ETV6: variants seen among roughly 807,000 people sequenced by gnomAD.
ETV6 encodes the protein ETS variant transcription factor 6.
In ETV6, 16 loss-of-function variants were observed where a neutral mutation model predicts 51.1. That is an observed-to-expected ratio of 0.31 (90% CI 0.21 to 0.48). The LOEUF (loss-of-function observed/expected upper bound fraction) is 0.48. Ranked by LOEUF, ETV6 falls within the 20% of genes least tolerant of loss-of-function variation. The pLI, the probability that ETV6 is intolerant of heterozygous loss-of-function variation, is 0.99. For missense variants in ETV6, 458 were observed against 594.8 expected (o/e 0.77, Z 2.39); for synonymous variants, 240 against 224.1 (o/e 1.07, Z -0.64).
In ETV6 at chr12:11,845,496, TAAATATGATACTTA is replaced by T. The variant is rs543791303; in HGVS notation, c.328+6195_328+6208del. Among the ~76,000 whole-genome samples, 732 of 152,360 alleles carry T rather than the reference TAAATATGATACTTA, an allele frequency of 4.8e-3. 2 individuals are homozygous for T. The highest frequency in any genetic ancestry group is 7.4e-3 in the Non-Finnish European group (506 of 68,038). ...TTTTCTAACAGATTTATTCTTGTCT[TAAATATGATACTTA>T]AATTTTCCCACAACCTGTTCCTTTT... On this transcript the variant is annotated intron_variant, in intron 3 of 7. Coordinates refer to ENST00000396373, the MANE Select transcript of ETV6 (RefSeq NM_001987.5).
At chr12:11,859,964 C>T (rs1286478764) in intron 4 of ETV6, among the ~76,000 whole-genome samples, 1 of 152,130 alleles carries the variant, frequency 6.6e-6, no homozygotes, top group Non-Finnish European at 1.5e-5. Context: ...TGAGTTGGAC[C>T]GAATTCACCC....
intron 1 of ETV6, among the ~76,000 whole-genome samples, chr12:11,683,322 G>A (rs1864568485): frequency 6.6e-6 from 1 of 152,186 alleles, no homozygotes; most frequent in Admixed American, 6.5e-5. Context: ...GGGATTACAG[G>A]CATGAGCTAC....
At chr12:11,772,270 C>T (rs115058194) in intron 2 of ETV6, among the ~76,000 whole-genome samples, 10 of 152,298 alleles carry the variant, frequency 6.6e-5, no homozygotes, top group African/African-American at 2.4e-4. Context: ...CAGAAAGACT[C>T]AGAGATCACT....
intron 2 of ETV6, among the ~76,000 whole-genome samples, chr12:11,766,578 G>A (rs1412336281): frequency 2.0e-5 from 3 of 152,096 alleles, no homozygotes; most frequent in African/African-American, 7.2e-5. Context: ...AACAGCTCTC[G>A]AGAGCAGCCG....
At chr12:11,672,323 A>C (rs949909059) in intron 1 of ETV6, among the ~76,000 whole-genome samples, 4 of 152,234 alleles carry the variant, frequency 2.6e-5, no homozygotes, top group Non-Finnish European at 5.9e-5. Context: ...ATGAGCTCAA[A>C]GCATTTCATC....
At chr12:11,790,353 A>T (rs2710284) in intron 2 of ETV6, among the ~76,000 whole-genome samples, 6,891 of 152,106 alleles carry the variant, frequency 0.045, 516 homozygotes, top group African/African-American at 0.16. Flanking sequence ...CTGAGAGTTG[A>T]TGGACCCCTC....
At chr12:11,751,158 C>T (rs931748174) in intron 1 of ETV6, among the ~76,000 whole-genome samples, 1 of 152,116 alleles carries the variant, frequency 6.6e-6, no homozygotes, top group Admixed American at 6.5e-5. Flanking sequence ...ATCAAAACTT[C>T]CTACCACAAC....
rs139537215 is a variant in ETV6 at position 11,804,843 on chromosome 12, G to A, written c.164-34297G>A. Among the ~76,000 whole-genome samples, 7 of 152,300 alleles carry A rather than the reference G, an allele frequency of 4.6e-5. No homozygotes were observed. The East Asian group carries it at 1.4e-3, about 29-fold the overall frequency. On this transcript the variant is annotated intron_variant, in intron 2 of 7. Coordinates refer to ENST00000396373, the MANE Select transcript of ETV6 (RefSeq NM_001987.5). ...GTAGGGTAATTGGATGGGCCTGGCTGTCTCATGGGAGACTCCAGAGTCTTT... is the reference window on the plus strand; with the variant it reads ...GTAGGGTAATTGGATGGGCCTGGCTATCTCATGGGAGACTCCAGAGTCTTT...
chr12:11,661,685 C>G (rs902264312), intron 1 of ETV6, among the ~76,000 whole-genome samples: 1 of 152,232 alleles, frequency 6.6e-6, no homozygotes, highest in Non-Finnish European at 1.5e-5. Context: ...CATCTGCTGA[C>G]GCTGATACTT....
In ETV6 at chr12:11,893,837, TATATACACACAC is replaced by T. The variant is rs1947345148; in HGVS notation, c.*2793_*2804del. On this transcript the variant is annotated 3_prime_UTR_variant, in exon 8 of 8. Coordinates refer to ENST00000396373, the MANE Select transcript of ETV6 (RefSeq NM_001987.5). ...ATATATATATATATATATATATATA[TATATACACACAC>T]ACACACATACACAAATATTCCAGGA... The T allele has an allele frequency of 4.1e-5, 2 of 48,580 alleles. No individual in the cohort carries two copies. Among genetic ancestry groups the T allele is most frequent in the Non-Finnish European group, 8.3e-5 (2 of 24,014 alleles). The allele number at this position is 48,580 out of a possible 1,614,324, so 3.0% of individuals were successfully genotyped here. A position where few individuals can be genotyped will look rare whatever the true frequency, so the allele number is the denominator to read the frequency against.
intron 6 of ETV6, among the ~76,000 whole-genome samples, chr12:11,884,837 G>A (rs1947161149): frequency 6.6e-6 from 1 of 152,158 alleles, no homozygotes; most frequent in African/African-American, 2.4e-5. Flanking sequence ...CATCATGAGT[G>A]ACTCTTGTTT....
intron 1 of ETV6, among the ~76,000 whole-genome samples, chr12:11,661,681 C>T (rs1864102598): frequency 6.6e-6 from 1 of 152,256 alleles, no homozygotes; most frequent in South Asian, 2.1e-4. Context: ...CCTTCATCTG[C>T]TGACGCTGAT....
rs568623947 is a variant in ETV6 at position 11,716,015 on chromosome 12, C to G, written c.34-36435C>G. On this transcript the variant is annotated intron_variant, in intron 1 of 7. Coordinates refer to ENST00000396373, the MANE Select transcript of ETV6 (RefSeq NM_001987.5). ...AAGGAATTTGCGGAACACTCTGGAT[C>G]TGATACTGAAAAGTTGAAGAAAGCA... Among the ~76,000 whole-genome samples, 6 of 152,338 alleles carry G rather than the reference C, an allele frequency of 3.9e-5. No homozygotes were observed. The East Asian group carries it at 7.7e-4, about 20-fold the overall frequency.
At position 11,750,870 on chromosome 12, in the gene ETV6, A is replaced by G. The variant is rs534308906; in HGVS notation, c.34-1580A>G. 5 of 481,644 alleles carry G rather than the reference A, an allele frequency of 1.0e-5. No individual in the cohort carries two copies. The African/African-American group carries it at 1.0e-4, about 10-fold the overall frequency. The allele number at this position is 481,644 out of a possible 1,614,324, so 29.8% of individuals were successfully genotyped here. ...AAAAGTATAACCCATCCTTCAAGTT[A>G]AAGTTTCTCAAAATACATGTGATGC... On this transcript the variant is annotated intron_variant, in intron 1 of 7. Transcript: ENST00000396373.
intron 1 of ETV6, among the ~76,000 whole-genome samples, chr12:11,681,530 A>G (rs1165471809): frequency 2.0e-5 from 3 of 152,164 alleles, no homozygotes; most frequent in Admixed American, 2.0e-4. Flanking sequence ...GAATAAATCT[A>G]TATAGCAAAT....
At chr12:11,687,547 C>G (rs1864660291) in intron 1 of ETV6, among the ~76,000 whole-genome samples, 1 of 152,042 alleles carries the variant, frequency 6.6e-6, no homozygotes, top group Non-Finnish European at 1.5e-5. Context: ...ACTCATGTAT[C>G]AAGATTGCTG....
chr12:11,707,057 G>A (rs549257588), intron 1 of ETV6, among the ~76,000 whole-genome samples: 74 of 152,326 alleles, frequency 4.9e-4, no homozygotes, highest in African/African-American at 1.7e-3. Context: ...TGACTCTGAA[G>A]AAGGAATTGA....
chr12:11,722,280 A>C (rs1591631809), intron 1 of ETV6, among the ~76,000 whole-genome samples: 2 of 152,338 alleles, frequency 1.3e-5, no homozygotes, highest in African/African-American at 2.4e-5. Context: ...TCTTCAGTAG[A>C]GGTGCTAATG....
At chr12:11,671,939 G>GA (rs11358074) in intron 1 of ETV6, among the ~76,000 whole-genome samples, 37 of 146,310 alleles carry the variant, frequency 2.5e-4, no homozygotes, top group African/African-American at 5.5e-4. Context: ...TAGGTCATGT[G>GA]AAAAAAAAAA....
Sources: gnomAD v4.1 joint callset for allele counts (sites outside exome capture counted in the v4.1 genomes callset) on GRCh38, gnomAD v4.1.1 for gene constraint, MANE v1.5 for transcripts, NCBI Gene and HGNC (gene_info 2026-07-23, HGNC 2026-07-21) for gene names.